The following FRMPD2 variants were observed in gnomAD, a reference collection of about 807,000 sequenced individuals.
FRMPD2 encodes the protein FERM and PDZ domain-containing protein 2.
A neutral mutation model predicts 140.1 loss-of-function variants in FRMPD2; 96 were observed. The observed-to-expected ratio is 0.69, with a 90% confidence interval of 0.58 to 0.81. FRMPD2 has a LOEUF of 0.81. Among genes scored for constraint, FRMPD2 ranks in the 40% least tolerant of loss-of-function variants. FRMPD2 has a pLI of 0.00. For synonymous variants in FRMPD2, 449 were observed against 547.6 expected, an observed-to-expected ratio of 0.82 and a Z score of 2.52; for missense variants, 1,240 against 1,447.4, an observed-to-expected ratio of 0.86 and a Z score of 2.32.
At chr10:48,177,005 T>C (rs1455362339) in intron 22 of FRMPD2, among the ~76,000 whole-genome samples, 1 of 152,174 alleles carries the variant, frequency 6.6e-6, no homozygotes, top group Non-Finnish European at 1.5e-5. Context: ...AGAGTGTCCT[T>C]ACTTTGGTGG....
At chr10:48,235,842 C>A (rs975122899) in intron 9 of FRMPD2, among the ~76,000 whole-genome samples, 25 of 152,124 alleles carry the variant, frequency 1.6e-4, no homozygotes, top group African/African-American at 6.0e-4. Flanking sequence ...ACACATGGGG[C>A]TCTGCAGGGG....
At chr10:48,244,075 C>T (rs765209550) in intron 4 of FRMPD2, among the ~76,000 whole-genome samples, 1 of 152,210 alleles carries the variant, frequency 6.6e-6, no homozygotes, top group Middle Eastern at 3.2e-3. Flanking sequence ...CTCCCGGCCC[C>T]CGGGGTTTAA....
chr10:48,240,639 A>T, intron 5 of FRMPD2, 147 bp from the exon 6 acceptor site: 4 of 1,138,456 alleles, frequency 3.5e-6, no homozygotes, highest in Non-Finnish European at 5.0e-6. Context: ...GGCACCCAGA[A>T]TGTGCTCTGT....
intron 16 of FRMPD2, among the ~76,000 whole-genome samples, chr10:48,190,309 C>T (rs929189173): frequency 3.3e-5 from 5 of 152,192 alleles, no homozygotes; most frequent in African/African-American, 9.7e-5. Context: ...CCTCCACCCC[C>T]ACTATTCCCA....
intron 14 of FRMPD2, among the ~76,000 whole-genome samples, chr10:48,202,247 C>T (rs1380290459): frequency 6.6e-6 from 1 of 152,042 alleles, no homozygotes; most frequent in Non-Finnish European, 1.5e-5. Context: ...CAATAAGAAC[C>T]TTCAGCTTGC....
intron 16 of FRMPD2, among the ~76,000 whole-genome samples, chr10:48,189,738 G>A (rs984171261): frequency 6.6e-6 from 1 of 152,120 alleles, no homozygotes; most frequent in Non-Finnish European, 1.5e-5. Flanking sequence ...TTCCTCTCAC[G>A]GTGCCCAGAT....
At chr10:48,242,794 C>A (rs1221423831) in intron 4 of FRMPD2, among the ~76,000 whole-genome samples, 2 of 152,230 alleles carry the variant, frequency 1.3e-5, no homozygotes, top group Non-Finnish European at 2.9e-5. Context: ...CTGGAACATA[C>A]AGACTGTGGC....
intron 3 of FRMPD2, among the ~76,000 whole-genome samples, chr10:48,247,937 C>T (rs1190745516): frequency 6.6e-6 from 1 of 152,108 alleles, no homozygotes; most frequent in African/African-American, 2.4e-5. Flanking sequence ...TCCAGGATTT[C>T]AGGGGGGAGG....
At chr10:48,265,056 G>A (rs1840656438) in intron 1 of FRMPD2, among the ~76,000 whole-genome samples, 2 of 152,062 alleles carry the variant, frequency 1.3e-5, no homozygotes, top group South Asian at 2.1e-4. Context: ...CAGAAATAAG[G>A]CCACACACCT....
Position 48,244,856 on chromosome 10 carries a change from A to G in FRMPD2, c.310-7T>C, listed in dbSNP as rs750960832. ...CTAAAGAATAGACATGCATCTGCCC[A>G]AAAGAAGAGTACATGATTAGATTTC... On this transcript the variant is annotated splice_region_variant and splice_polypyrimidine_tract_variant and intron_variant, in intron 3 of 28. Coordinates refer to ENST00000374201, the MANE Select transcript of FRMPD2 (RefSeq NM_001018071.4). 8 of 1,598,798 alleles carry G rather than the reference A, an allele frequency of 5.0e-6. No homozygotes were observed. The highest frequency in any genetic ancestry group is 1.7e-4 in the Middle Eastern group (1 of 6,058).
At chr10:48,189,041 C>T (rs1055037322) in intron 16 of FRMPD2, among the ~76,000 whole-genome samples, 11 of 152,034 alleles carry the variant, frequency 7.2e-5, no homozygotes, top group South Asian at 6.2e-4. Context: ...GAATGGACTG[C>T]GTGCTACTGA....
At chr10:48,251,458 T>C (rs1309796063) in intron 2 of FRMPD2, 108 bp downstream of exon 2, 20 of 1,354,100 alleles carry the variant, frequency 1.5e-5, no homozygotes, top group Middle Eastern at 1.8e-4. Context: ...CCTTGTTCTG[T>C]GCTCTCAGAG....
At chr10:48,190,309 C>A (rs929189173) in intron 16 of FRMPD2, among the ~76,000 whole-genome samples, 2 of 152,192 alleles carry the variant, frequency 1.3e-5, no homozygotes, top group Non-Finnish European at 2.9e-5. Flanking sequence ...CCTCCACCCC[C>A]ACTATTCCCA....
intron 1 of FRMPD2, among the ~76,000 whole-genome samples, chr10:48,258,539 T>A (rs955183500): frequency 6.6e-6 from 1 of 152,168 alleles, no homozygotes; most frequent in Non-Finnish European, 1.5e-5. Flanking sequence ...ACAAGGTGGG[T>A]GTGAAAAACA....
At chr10:48,237,902 C>A (rs551502387) in intron 8 of FRMPD2, 89 bp downstream of exon 8, 7 of 1,488,666 alleles carry the variant, frequency 4.7e-6, no homozygotes, top group East Asian at 4.5e-5. Context: ...CCCTAGAAGA[C>A]CCTGCCCATT....
intron 1 of FRMPD2, among the ~76,000 whole-genome samples, chr10:48,270,457 T>C (rs536081642): frequency 4.6e-5 from 7 of 152,304 alleles, no homozygotes; most frequent in South Asian, 2.1e-4. Context: ...TTCAAAGATA[T>C]TTGCCATGGT....
intron 4 of FRMPD2, among the ~76,000 whole-genome samples, 188 bp downstream of exon 4, chr10:48,244,596 G>T (rs1282810090): frequency 6.6e-6 from 1 of 152,204 alleles, no homozygotes; most frequent in Admixed American, 6.5e-5. Context: ...TGTTGAGTGG[G>T]ATTCTGAGGT....
chr10:48,189,980 C>T (rs1245894411), intron 16 of FRMPD2, among the ~76,000 whole-genome samples: 1 of 152,152 alleles, frequency 6.6e-6, no homozygotes, highest in East Asian at 1.9e-4. Flanking sequence ...GAAACTGAGG[C>T]CTGGGGTGTT....
At chr10:48,252,522 CAT>C (rs1840408658) in intron 1 of FRMPD2, among the ~76,000 whole-genome samples, 1 of 152,136 alleles carries the variant, frequency 6.6e-6, no homozygotes, top group South Asian at 2.1e-4. Context: ...ATGGGGAGCA[CAT>C]AGAGGCACCC....
Sources: gnomAD v4.1 joint callset for allele counts (sites outside exome capture counted in the v4.1 genomes callset) on GRCh38, gnomAD v4.1.1 for gene constraint, MANE v1.5 for transcripts, NCBI Gene and HGNC (gene_info 2026-07-23, HGNC 2026-07-21) for gene names.